RALYL: variants seen among roughly 807,000 people sequenced by gnomAD.
The protein encoded by RALYL is RNA-binding Raly-like protein.
RALYL carries 29 observed loss-of-function variants against 35.1 expected under a neutral mutation model. The observed-to-expected ratio is 0.83, with a 90% CI of 0.61 to 1.13. The LOEUF is 1.13. Among genes scored for constraint, RALYL ranks in the 50% most tolerant of loss-of-function variants. The pLI, the probability that RALYL is intolerant of heterozygous loss-of-function variation, is 0.00. For missense variants in RALYL, 359 were observed against 360.4 expected (o/e 1.00, Z 0.03); for synonymous variants, 120 against 127.6 (o/e 0.94, Z 0.40).
intron 1 of RALYL, among the ~76,000 whole-genome samples, chr8:84,390,803 G>A (rs1860504674): frequency 6.6e-6 from 1 of 151,912 alleles, no homozygotes; most frequent in Non-Finnish European, 1.5e-5. Context: ...TTCTTGTCAT[G>A]TCTAATAATG....
At chr8:84,774,792 C>G (rs964902829) in intron 3 of RALYL, 138 bp downstream of exon 3, 21 of 642,648 alleles carry the variant, frequency 3.3e-5, no homozygotes, top group East Asian at 1.4e-4. Flanking sequence ...TGTTGTTGGT[C>G]AACATATAAA....
intron 2 of RALYL, among the ~76,000 whole-genome samples, chr8:84,732,683 T>TATATACAC: frequency 7.5e-6 from 1 of 133,234 alleles, no homozygotes; most frequent in African/African-American, 3.0e-5. Context: ...TATATATATA[T>TATATACAC]ACACACACAC....
chr8:84,626,720 AT>A lies in RALYL; in HGVS notation c.256+97144del, dbSNP rs1264924807. 2.6e-5 allele frequency among the ~76,000 whole-genome samples: 4 copies of A among 152,204 alleles called. 1 individual carries two copies. In the South Asian group the frequency reaches 8.3e-4, roughly 32 times the overall value. On this transcript the variant is annotated intron_variant, in intron 2 of 8. Coordinates refer to ENST00000521268, the MANE Select transcript of RALYL (RefSeq NM_173848.7). Reference sequence around the variant, plus strand: ...ACTTGAGAAACTTTGTTAAGTCTGAATCAAATTTGGAATTCATTTAAAGCAG... The same window carrying A: ...ACTTGAGAAACTTTGTTAAGTCTGAACAAATTTGGAATTCATTTAAAGCAG...
intron 1 of RALYL, among the ~76,000 whole-genome samples, chr8:84,331,463 A>C (rs925806255): frequency 6.6e-6 from 1 of 152,080 alleles, no homozygotes; most frequent in African/African-American, 2.4e-5. Flanking sequence ...AATAATTACT[A>C]TCTTAGACTG....
chr8:84,760,138 TACTA>T (rs1812345572), intron 2 of RALYL, among the ~76,000 whole-genome samples: 1 of 152,194 alleles, frequency 6.6e-6, no homozygotes, highest in African/African-American at 2.4e-5. Context: ...TTCTCATTGT[TACTA>T]ACTATAAAAT....
At chr8:84,198,577 CTTG>C (rs1047234952) in intron 1 of RALYL, among the ~76,000 whole-genome samples, 8 of 152,054 alleles carry the variant, frequency 5.3e-5, no homozygotes, top group African/African-American at 1.7e-4. Flanking sequence ...TTATAGTCAC[CTTG>C]TTGTGCTATC....
chr8:84,223,209 C>CCTTCCCT (rs1554578639), intron 1 of RALYL, among the ~76,000 whole-genome samples: 224 of 88,792 alleles, frequency 2.5e-3, no homozygotes, highest in East Asian at 7.9e-3. Context: ...CCTTCCATTC[C>CCTTCCCT]TCCCTTCCCT....
chr8:84,481,060 A>G (rs538768978), intron 1 of RALYL, among the ~76,000 whole-genome samples: 1 of 152,338 alleles, frequency 6.6e-6, no homozygotes, highest in Admixed American at 6.5e-5. Context: ...AGTATTATAA[A>G]TAGCAGAAAC....
At chr8:84,222,332 T>C (rs2131318736) in intron 1 of RALYL, among the ~76,000 whole-genome samples, 1 of 152,304 alleles carries the variant, frequency 6.6e-6, no homozygotes, top group South Asian at 2.1e-4. Context: ...GTTACATCTA[T>C]GCTGTGTTAA....
intron 4 of RALYL, among the ~76,000 whole-genome samples, chr8:84,812,298 C>G (rs933443155): frequency 5.9e-5 from 9 of 152,130 alleles, no homozygotes; most frequent in African/African-American, 1.9e-4. Context: ...GCAAGTCCAC[C>G]CAGCTCCAGT....
chr8:84,835,674 A>T (rs1238468084), intron 4 of RALYL, among the ~76,000 whole-genome samples: 6 of 132,482 alleles, frequency 4.5e-5, no homozygotes, highest in African/African-American at 2.0e-4. Context: ...CAAAAGCAAA[A>T]CTCCGTCTCA....
chr8:84,580,850 G>A (rs562921489), intron 2 of RALYL, among the ~76,000 whole-genome samples: 37 of 148,782 alleles, frequency 2.5e-4, no homozygotes, highest in African/African-American at 8.6e-4. Context: ...ATATGAAAAG[G>A]CAGAGCAGAG....
At chr8:84,539,688 T>C (rs4740024) in intron 2 of RALYL, among the ~76,000 whole-genome samples, 54,389 of 151,384 alleles carry the variant, frequency 0.36, 9,935 homozygotes, top group South Asian at 0.51. Flanking sequence ...TGGAATTGAA[T>C]TTTTTGGTAT....
intron 2 of RALYL, among the ~76,000 whole-genome samples, chr8:84,691,471 A>G (rs1838037430): frequency 6.6e-6 from 1 of 152,092 alleles, no homozygotes; most frequent in Non-Finnish European, 1.5e-5. Context: ...AAGTAGTTGA[A>G]ATGACAGTGA....
intron 5 of RALYL, among the ~76,000 whole-genome samples, chr8:84,852,185 C>T (rs1282189960): frequency 6.6e-6 from 1 of 152,122 alleles, no homozygotes. Flanking sequence ...CTATGCGATT[C>T]CTACTTGAGA....
chr8:84,627,971 T>G (rs1823105779), intron 2 of RALYL, among the ~76,000 whole-genome samples: 1 of 152,166 alleles, frequency 6.6e-6, no homozygotes, highest in Non-Finnish European at 1.5e-5. Flanking sequence ...ATTAGACTCC[T>G]GATTGCTGTT....
At chr8:84,570,244 T>C (rs933485435) in intron 2 of RALYL, among the ~76,000 whole-genome samples, 1 of 151,976 alleles carries the variant, frequency 6.6e-6, no homozygotes, top group African/African-American at 2.4e-5. Flanking sequence ...TTTGTTTGTG[T>C]CATCTATGAT....
At chr8:84,511,140 A>G (rs1281097518) in intron 1 of RALYL, among the ~76,000 whole-genome samples, 1 of 152,078 alleles carries the variant, frequency 6.6e-6, no homozygotes, top group Admixed American at 6.6e-5. Flanking sequence ...GAATTCAACA[A>G]CTTATTCTGC....
chr8:84,485,753 A>G (rs970187442), intron 1 of RALYL, among the ~76,000 whole-genome samples: 1 of 152,132 alleles, frequency 6.6e-6, no homozygotes, highest in African/African-American at 2.4e-5. Flanking sequence ...GAAATTAATG[A>G]GTTTATATTC....
Sources: gnomAD v4.1 joint callset for allele counts (sites outside exome capture counted in the v4.1 genomes callset) on GRCh38, gnomAD v4.1.1 for gene constraint, MANE v1.5 for transcripts, NCBI Gene and HGNC (gene_info 2026-07-23, HGNC 2026-07-21) for gene names.